Variants in MECR observed in about 807,000 individuals in gnomAD.
The protein encoded by MECR is mitochondrial trans-2-enoyl-CoA reductase.
MECR carries 37 observed loss-of-function variants against 49.1 expected under a neutral mutation model. That is an observed-to-expected ratio of 0.75 (90% confidence interval 0.58 to 0.99). The LOEUF is 0.99. Among genes scored for constraint, MECR ranks in the 50% least tolerant of loss-of-function variants. The pLI is 0.00. For synonymous variants in MECR, 198 were observed against 191.1 expected (o/e 1.04, Z -0.30); for missense variants, 470 against 479.6 (o/e 0.98, Z 0.19).
At chr1:29,176,077 C>G in the MECR span, among the ~76,000 whole-genome samples, 1 of 151,900 alleles carries the variant, frequency 6.6e-6, no homozygotes, top group Non-Finnish European at 1.5e-5. Context: ...ACGGTGAAAC[C>G]CTGTCTCTAC....
chr1:29,205,754 C>T (rs1047278013), intron 4 of MECR, among the ~76,000 whole-genome samples: 2 of 151,972 alleles, frequency 1.3e-5, no homozygotes, highest in East Asian at 1.9e-4. Flanking sequence ...CCCTTGAACC[C>T]GAGAGGTGGA....
the MECR span, among the ~76,000 whole-genome samples, chr1:29,185,806 C>T: frequency 6.6e-6 from 1 of 152,082 alleles, no homozygotes; most frequent in African/African-American, 2.4e-5. Flanking sequence ...GGCAAAAACC[C>T]GTCTCTGCAG....
chr1:29,216,040 G>A lies in MECR; in HGVS notation c.371C>T (p.Pro124Leu). 6.2e-7 allele frequency: 1 copy of A among 1,614,150 alleles called. No individual in the cohort carries two copies. Residue 124 changes from proline (P) to leucine (L), a missense_variant, in exon 3 of 10, where the codon CCA becomes CTA. By Grantham distance (98) the Pro-to-Leu change is moderately conservative. Transcript: ENST00000263702. ...AVGSNVTGLK[P>L]GDWVIPANAG... ...ATTTGCTGGAATCACCCAGTCTCCTGGCTTCAGCCCGGTCACATTGCTGCC... is the reference window on the plus strand; with the variant it reads ...ATTTGCTGGAATCACCCAGTCTCCTAGCTTCAGCCCGGTCACATTGCTGCC...
Position 29,216,536 on chromosome 1 carries a change from T to A in MECR, c.274+52A>T, listed in dbSNP as rs181487443. 209 of 1,542,276 alleles carry A rather than the reference T, an allele frequency of 1.4e-4. 2 individuals carry two copies. In the Middle Eastern group the frequency reaches 5.2e-3, roughly 39 times the overall value. ...CACCTGAGGAGGAATGAAAATGAGG[T>A]GGCAGCTGAACAAAAAAGCCAATTA... is the stretch of plus-strand genomic sequence containing the variant. On this transcript the variant is annotated intron_variant, in intron 2 of 9. Coordinates refer to ENST00000263702, the MANE Select transcript of MECR (RefSeq NM_016011.5).
At chr1:29,214,223 G>T (rs1678762418) in intron 3 of MECR, among the ~76,000 whole-genome samples, 1 of 151,810 alleles carries the variant, frequency 6.6e-6, no homozygotes, top group African/African-American at 2.4e-5. Flanking sequence ...CACCATGCCT[G>T]GCTAATTTTT....
downstream of MECR, among the ~76,000 whole-genome samples, chr1:29,188,254 A>G (rs559675659): frequency 5.9e-5 from 9 of 151,336 alleles, no homozygotes; most frequent in East Asian, 1.8e-3. Context: ...CAGTGGTGCA[A>G]TTTTGGCTCA....
At chr1:29,186,235 C>T in the MECR span, among the ~76,000 whole-genome samples, 1 of 152,182 alleles carries the variant, frequency 6.6e-6, no homozygotes, top group African/African-American at 2.4e-5. Context: ...TTCACAGATT[C>T]ATTCCTTCTT....
the MECR span, chr1:29,169,206 T>C: frequency 6.6e-6 from 1 of 152,172 alleles, no homozygotes; most frequent in East Asian, 1.9e-4. Flanking sequence ...AGAAACTAAC[T>C]TAGAGGAGTT....
In MECR at chr1:29,201,397, T is replaced by C. The variant is rs1333927094; in HGVS notation, c.756+546A>G. On this transcript the variant is annotated intron_variant, in intron 6 of 9. Transcript: ENST00000263702. This position sits in a 1 kb window ranked among gnomAD's most constrained non-coding sequence, Gnocchi z 4.3. ...ACTAGGCATGTTGTGGGGTGGAGGT[T>C]CTGGAAGGTTAAGAGGCTTTGAGTT... 3 of 533,062 alleles carry C rather than the reference T, an allele frequency of 5.6e-6. No homozygotes were observed. Among genetic ancestry groups the C allele is most frequent in the Admixed American group, 3.9e-5 (2 of 51,528 alleles). The allele number at this position is 533,062 out of a possible 1,614,324, so 33.0% of individuals were successfully genotyped here.
downstream of MECR, among the ~76,000 whole-genome samples, chr1:29,192,038 G>T (rs1673151165): frequency 6.6e-6 from 1 of 152,044 alleles, no homozygotes; most frequent in Non-Finnish European, 1.5e-5. Flanking sequence ...GCTGCAGCGA[G>T]CCAAGATCGC....
At chr1:29,216,563 C>T in intron 2 of MECR, 25 bp downstream of exon 2, 21 of 1,610,506 alleles carry the variant, frequency 1.3e-5, no homozygotes, top group Non-Finnish European at 1.8e-5. Context: ...AGCCAATTAA[C>T]ATAAGCCACA....
At chr1:29,224,740 T>C (rs1462039005) in intron 1 of MECR, 1 of 152,234 alleles carries the variant, frequency 6.6e-6, no homozygotes, top group African/African-American at 2.4e-5. Context: ...TGAAGATAAT[T>C]GGAGACTAAC....
At chr1:29,181,915 C>G in the MECR span, 1 of 463,680 alleles carries the variant, frequency 2.2e-6, no homozygotes. Flanking sequence ...CGCGAGCGCG[C>G]GCTTCCACTT....
intron 7 of MECR, 160 bp downstream of exon 7, chr1:29,200,356 T>C (rs1675014960): frequency 1.6e-6 from 1 of 608,728 alleles, no homozygotes; most frequent in Non-Finnish European, 2.7e-6. Flanking sequence ...GAGAAACCAG[T>C]GCCCAAATAG....
chr1:29,200,416 T>C, intron 7 of MECR, 100 bp downstream of exon 7: 1 of 1,120,576 alleles, frequency 8.9e-7, no homozygotes, highest in Non-Finnish European at 1.3e-6. Context: ...TGACCTGGAC[T>C]TGGCTCGAAC....
intron 1 of MECR, chr1:29,228,828 G>T (rs1682760023): frequency 1.3e-5 from 2 of 152,084 alleles, no homozygotes; most frequent in Admixed American, 6.6e-5. Flanking sequence ...TTAATAAAAG[G>T]TTCACTTTTT....
the MECR span, chr1:29,172,059 CAGAAAAAAATTAAATTCCCCATATATTGG>C: frequency 1.3e-5 from 2 of 149,224 alleles, no homozygotes; most frequent in East Asian, 4.7e-4. Context: ...TTCAAAATGA[CAGAAAAAAATTAAATTCCCCATATATTGG>C]GGGAAAAAAA....
At chr1:29,178,229 A>G in the MECR span, among the ~76,000 whole-genome samples, 4 of 152,078 alleles carry the variant, frequency 2.6e-5, no homozygotes, top group East Asian at 1.9e-4. Context: ...TTAATTCTAA[A>G]CTTAACTTAC....
chr1:29,199,523 G>A (rs1019720409), intron 7 of MECR, among the ~76,000 whole-genome samples: 4 of 152,220 alleles, frequency 2.6e-5, no homozygotes, highest in South Asian at 2.1e-4. Context: ...CACTGCGCCC[G>A]GCCTAGAAGC....
Sources: gnomAD v4.1 joint callset for allele counts (sites outside exome capture counted in the v4.1 genomes callset) on GRCh38, gnomAD v4.1.1 for gene constraint, Gnocchi (gnomAD v3.1) non-coding constraint, MANE v1.5 for transcripts, NCBI Gene and HGNC (gene_info 2026-07-23, HGNC 2026-07-21) for gene names.